Variants in KDM2B observed in about 807,000 individuals in gnomAD.
KDM2B encodes the protein lysine-specific demethylase 2B.
In KDM2B, 26 loss-of-function variants were observed where a neutral mutation model predicts 150.0. The observed-to-expected ratio is 0.17, with a 90% confidence interval of 0.13 to 0.24. The LOEUF (loss-of-function observed/expected upper bound fraction) is 0.24. Among genes scored for constraint, KDM2B ranks in the 10% least tolerant of loss-of-function variants. The probability of loss-of-function intolerance (pLI) is 1.00; values close to 1 mark genes in which losing one functional copy is unlikely to be tolerated. For synonymous variants in KDM2B, 734 were observed against 729.5 expected, an observed-to-expected ratio of 1.01 and a Z score of -0.10; for missense variants, 1,265 against 1,816.9, an observed-to-expected ratio of 0.70 and a Z score of 5.52.
chr12:121,503,837 C>T (rs1221466779), intron 11 of KDM2B, among the ~76,000 whole-genome samples: 1 of 152,224 alleles, frequency 6.6e-6, no homozygotes, highest in African/African-American at 2.4e-5. Flanking sequence ...CAGTTTCACC[C>T]AAGGGTAAGT....
chr12:121,475,998 C>CA lies in KDM2B; in HGVS notation c.1734+18580dup, dbSNP rs782625863. On this transcript the variant is annotated intron_variant, in intron 12 of 22. Coordinates refer to ENST00000377071, the MANE Select transcript of KDM2B (RefSeq NM_032590.5). ...GAGCAATAGAGTGAGACTCTGTGTC[C>CA]AAAAAAAAAAAAAATGCCCGGCACG... Among the ~76,000 whole-genome samples, 244 of 122,764 alleles carry CA rather than the reference C, an allele frequency of 2.0e-3. 1 individual carries two copies. Among genetic ancestry groups the CA allele is most frequent in the South Asian group, 5.9e-3 (23 of 3,916 alleles). 80.5% of individuals were successfully genotyped at this position (122,764 alleles called of 152,430 possible). A position where few individuals can be genotyped will look rare whatever the true frequency, so the allele number is the denominator to read the frequency against.
At chr12:121,564,239 C>T (rs1890540405) in intron 4 of KDM2B, among the ~76,000 whole-genome samples, 1 of 151,994 alleles carries the variant, frequency 6.6e-6, no homozygotes, top group Non-Finnish European at 1.5e-5. Context: ...GGGTGGATCA[C>T]GAGGTCAGGA....
At chr12:121,471,340 G>A (rs962074292) in intron 12 of KDM2B, among the ~76,000 whole-genome samples, 1 of 152,146 alleles carries the variant, frequency 6.6e-6, no homozygotes, top group African/African-American at 2.4e-5. Context: ...ACCATGTGAT[G>A]TGGAAATAAA....
At chr12:121,512,642 C>T (rs1337525278) in intron 10 of KDM2B, among the ~76,000 whole-genome samples, 4 of 152,156 alleles carry the variant, frequency 2.6e-5, no homozygotes, top group Non-Finnish European at 4.4e-5. Context: ...GATTGCTGGT[C>T]GGGGCTTGCA....
downstream of KDM2B, among the ~76,000 whole-genome samples, chr12:121,426,416 T>C (rs1872513027): frequency 6.6e-6 from 1 of 151,532 alleles, no homozygotes; most frequent in African/African-American, 2.4e-5. Context: ...GAATTTGAAT[T>C]TTTAAACTGG....
intron 8 of KDM2B, among the ~76,000 whole-genome samples, chr12:121,523,639 G>A (rs998503597): frequency 1.3e-5 from 2 of 152,212 alleles, no homozygotes; most frequent in Non-Finnish European, 2.9e-5. Context: ...GCTGGCATCC[G>A]CAGTGGACAC....
rs201891289 is a variant in KDM2B at position 121,534,545 on chromosome 12, G to A, written c.729C>T (p.Ile243=). ...ACCAAACGGAAGTGCCTCCAAAGTCGATGTGGAAGTCGGTGAAACAACCTT... is the reference window on the plus strand; with the variant it reads ...ACCAAACGGAAGTGCCTCCAAAGTCAATGTGGAAGTCGGTGAAACAACCTT... ...SVKGCFTDFH[I]DFGGTSVWYH... The change falls in exon 7 of 23, where the codon ATC becomes ATT. Residue 243 remains isoleucine (I), a synonymous_variant. Coordinates refer to ENST00000377071, the MANE Select transcript of KDM2B (RefSeq NM_032590.5). 370 of 1,613,916 alleles carry A rather than the reference G, an allele frequency of 2.3e-4. 1 individual carries two copies. Among genetic ancestry groups the A allele is most frequent in the Non-Finnish European group, 2.0e-4 (238 of 1,179,994 alleles).
intron 4 of KDM2B, among the ~76,000 whole-genome samples, chr12:121,553,270 ACT>A (rs1319924524): frequency 1.3e-5 from 2 of 148,266 alleles, no homozygotes; most frequent in African/African-American, 2.5e-5. Flanking sequence ...TACCCTCCCC[ACT>A]CTCGCTCTCT....
At chr12:121,514,263 G>A (rs919469268) in intron 9 of KDM2B, among the ~76,000 whole-genome samples, 1 of 152,072 alleles carries the variant, frequency 6.6e-6, no homozygotes, top group Non-Finnish European at 1.5e-5. Context: ...ACTGGCGCGC[G>A]CACCACCACG....
chr12:121,416,911 A>AG, the KDM2B span, among the ~76,000 whole-genome samples: 229 of 152,336 alleles, frequency 1.5e-3, 1 homozygote, highest in African/African-American at 5.3e-3. Flanking sequence ...GAAATACTTA[A>AG]GGAAAAAAAA....
chr12:121,413,152 A>G, the KDM2B span, among the ~76,000 whole-genome samples: 3 of 151,820 alleles, frequency 2.0e-5, no homozygotes, highest in African/African-American at 7.3e-5. Flanking sequence ...CGGCCTTCCA[A>G]GTAGCTGGGA....
At position 121,453,521 on chromosome 12, in the gene KDM2B, G is replaced by A. The variant is rs1394496691; in HGVS notation, c.1735-177C>T. 6.6e-6 allele frequency among the ~76,000 whole-genome samples: 1 copy of A among 152,246 alleles called. No individual in the cohort carries two copies. The highest frequency in any genetic ancestry group is 2.4e-5 in the African/African-American group (1 of 41,454). On this transcript the variant is annotated intron_variant, in intron 12 of 22. Transcript: ENST00000377071. The surrounding 1 kb of genome is among the most constrained non-coding windows in gnomAD (Gnocchi z 6.4). ...ATGGGGGCTTTGCAGAGACCGTCAGGTTAAACGAGGTAATTCAGGTGAACG... is the reference window on the plus strand; with the variant it reads ...ATGGGGGCTTTGCAGAGACCGTCAGATTAAACGAGGTAATTCAGGTGAACG...
intron 22 of KDM2B, among the ~76,000 whole-genome samples, chr12:121,439,321 T>C (rs1348932587): frequency 6.6e-6 from 1 of 152,050 alleles, no homozygotes; most frequent in African/African-American, 2.4e-5. Context: ...GCTATGTGCT[T>C]GTGGCTGCTG....
At chr12:121,500,307 A>C (rs1438496768) in intron 11 of KDM2B, among the ~76,000 whole-genome samples, 1 of 152,112 alleles carries the variant, frequency 6.6e-6, no homozygotes, top group Non-Finnish European at 1.5e-5. Context: ...CCTAAGGGTT[A>C]CACCTTACAC....
rs527514287 is a variant in KDM2B, at chr12:121,521,549, G to A, written c.932-449C>T. ...ACAAAGGATGGCTGGGAACCATGAC[G>A]CAGGAGTGACGTCTTGCCAGAGCTG... On this transcript the variant is annotated intron_variant, in intron 8 of 22. Transcript: ENST00000377071. This position sits in a 1 kb window ranked among gnomAD's most constrained non-coding sequence, Gnocchi z 4.9. 5.3e-5 allele frequency among the ~76,000 whole-genome samples: 8 copies of A among 152,248 alleles called. No individual in the cohort carries two copies. The highest frequency in any genetic ancestry group is 1.7e-4 in the African/African-American group (7 of 41,556).
intron 22 of KDM2B, among the ~76,000 whole-genome samples, chr12:121,431,882 T>TC (rs1555285610): frequency 1.4e-5 from 2 of 147,084 alleles, no homozygotes; most frequent in Non-Finnish European, 3.0e-5. Context: ...CTTTTTTCTT[T>TC]TTTTTTTTTT....
At chr12:121,562,122 A>G (rs1456879020) in intron 4 of KDM2B, among the ~76,000 whole-genome samples, 1 of 150,980 alleles carries the variant, frequency 6.6e-6, no homozygotes, top group African/African-American at 2.4e-5. Context: ...GCGAGCCGAG[A>G]TCAAGCCACT....
rs1886725691 is a variant in KDM2B at position 121,521,994 on chromosome 12, A to G, written c.932-894T>C. ...CATGGTGGTGCACACCTGCGGTCCC[A>G]GCTACTCAGGAGGCTGAGGTGGGAG... On this transcript the variant is annotated intron_variant, in intron 8 of 22. Transcript: ENST00000377071. This position sits in a 1 kb window ranked among gnomAD's most constrained non-coding sequence, Gnocchi z 4.9. 1.3e-5 allele frequency among the ~76,000 whole-genome samples: 2 copies of G among 152,226 alleles called. No homozygotes were observed. The highest frequency in any genetic ancestry group is 4.1e-4 in the South Asian group (2 of 4,834).
chr12:121,578,754 G>A, intron 2 of KDM2B, 48 bp downstream of exon 2: 1 of 1,368,214 alleles, frequency 7.3e-7, no homozygotes, highest in Non-Finnish European at 9.5e-7. Flanking sequence ...CTCCCCACGT[G>A]CGCTCGGCCC....
Sources: allele counts gnomAD v4.1 joint callset (sites outside exome capture counted in the v4.1 genomes callset), GRCh38; gene constraint gnomAD v4.1.1; non-coding constraint Gnocchi (gnomAD v3.1); transcripts MANE v1.5; gene names NCBI Gene and HGNC (gene_info 2026-07-23, HGNC 2026-07-21).